The following HFM1 variants were observed in gnomAD, a reference collection of about 807,000 sequenced individuals.
The protein encoded by HFM1 is helicase for meiosis 1.
Under a neutral mutation model 192.1 loss-of-function variants are expected in HFM1, and 169 were observed. The observed-to-expected ratio is 0.88, with a 90% CI of 0.78 to 1.00. The LOEUF (loss-of-function observed/expected upper bound fraction) is 1.00. HFM1 is among the 50% of genes least tolerant of loss of function. The pLI is 0.00. For synonymous variants in HFM1, 525 were observed against 537.8 expected (o/e 0.98, Z 0.33); for missense variants, 1,661 against 1,668.0 (o/e 1.00, Z 0.07).
intron 32 of HFM1, among the ~76,000 whole-genome samples, chr1:91,275,235 G>A (rs963289328): frequency 5.9e-5 from 9 of 152,082 alleles, no homozygotes; most frequent in East Asian, 5.8e-4. Flanking sequence ...CACCCGCCTC[G>A]GCCTCCCAAA....
intron 11 of HFM1, among the ~76,000 whole-genome samples, chr1:91,376,692 A>AATG (rs1257550922): frequency 2.0e-5 from 3 of 151,926 alleles, no homozygotes; most frequent in Admixed American, 2.0e-4. Flanking sequence ...AGTAGAAATC[A>AATG]AAGAAGTAAA....
At chr1:91,388,832 G>A (rs192519) in intron 4 of HFM1, among the ~76,000 whole-genome samples, 132,138 of 152,176 alleles carry the variant, frequency 0.87, 57,430 homozygotes, top group Middle Eastern at 0.92. Context: ...CTTGCGCTGC[G>A]AAGAACACCA....
chr1:91,394,307 A>G lies in HFM1; in HGVS notation c.280T>C (p.Phe94Leu). 1.3e-6 allele frequency: 2 copies of G among 1,587,744 alleles called. No individual in the cohort carries two copies. Among genetic ancestry groups the G allele is most frequent in the Non-Finnish European group, 1.7e-6 (2 of 1,156,312 alleles). The change falls in exon 4 of 39, where the codon TTT becomes CTT. Residue 94 changes from phenylalanine to leucine, a missense_variant. Coordinates refer to ENST00000370425, the MANE Select transcript of HFM1 (RefSeq NM_001017975.6). ...TCCTGTTCATATTTATCAGAAGGAA[A>G]GGCAAACTGGAATTTTTGTGTTAGT... The part of the protein sequence containing the change: ...ISLTQKFQFA[F>L]PSDKYEQDDL...
chr1:91,378,907 G>T (rs1340929913), intron 9 of HFM1, among the ~76,000 whole-genome samples, 156 bp downstream of exon 9: 1 of 151,856 alleles, frequency 6.6e-6, no homozygotes, highest in Non-Finnish European at 1.5e-5. Flanking sequence ...TAGGTATTCT[G>T]TCTGTACCTT....
At chr1:91,397,211 T>C (rs995609372) in intron 2 of HFM1, among the ~76,000 whole-genome samples, 2 of 152,204 alleles carry the variant, frequency 1.3e-5, no homozygotes, top group African/African-American at 2.4e-5. Flanking sequence ...CCAAACCATC[T>C]ACAAACTACA....
At chr1:91,400,233 A>C (rs746776684) in intron 2 of HFM1, among the ~76,000 whole-genome samples, 5 of 152,324 alleles carry the variant, frequency 3.3e-5, no homozygotes, top group East Asian at 1.9e-4. Flanking sequence ...CCAGTATTTA[A>C]CATACTACCT....
At chr1:91,400,480 C>CTTTTTTTTTTTTTTTTTTTTTTTT (rs112090967) in intron 2 of HFM1, among the ~76,000 whole-genome samples, 3 of 139,062 alleles carry the variant, frequency 2.2e-5, no homozygotes, top group Non-Finnish European at 1.6e-5. Context: ...AGGCAAGAAT[C>CTTTTTTTTTTTTTTTTTTTTTTTT]TTTTTTTTTT....
chr1:91,404,604 T>A, intron 1 of HFM1, 194 bp downstream of exon 1: 1 of 264,568 alleles, frequency 3.8e-6, no homozygotes, highest in South Asian at 3.0e-5. Flanking sequence ...GAAATGCGGC[T>A]GAGGCGCTGG....
At chr1:91,316,256 A>C (rs931054781) in intron 26 of HFM1, 72 bp from the exon 27 acceptor site, 24 of 1,063,784 alleles carry the variant, frequency 2.3e-5, no homozygotes, top group Middle Eastern at 2.7e-4. Context: ...TTTTTAGAAT[A>C]AATAGCTTTA....
chr1:91,303,899 G>C (rs1570880506), intron 30 of HFM1, among the ~76,000 whole-genome samples: 1 of 152,172 alleles, frequency 6.6e-6, no homozygotes, highest in Non-Finnish European at 1.5e-5. Flanking sequence ...AGGTTGGAGT[G>C]CAGTGGCATG....
intron 23 of HFM1, among the ~76,000 whole-genome samples, chr1:91,322,005 T>C (rs1167262574): frequency 6.6e-6 from 1 of 152,194 alleles, no homozygotes; most frequent in Non-Finnish European, 1.5e-5. Flanking sequence ...TCATAACTTA[T>C]CTGGGCATCA....
intron 36 of HFM1, 70 bp from the exon 37 acceptor site, chr1:91,262,662 G>T: frequency 3.4e-6 from 3 of 894,538 alleles, no homozygotes; most frequent in Non-Finnish European, 5.3e-6. Flanking sequence ...GGATCATAAT[G>T]ATTTTTGGGG....
At chr1:91,385,366 A>C (rs566315141) in intron 5 of HFM1, 132 bp from the exon 6 acceptor site, 163 of 756,444 alleles carry the variant, frequency 2.2e-4, no homozygotes, top group Non-Finnish European at 3.5e-4. Flanking sequence ...CTTTTTATTG[A>C]GAGCAAAGTT....
chr1:91,381,137 A>G (rs1661508612), intron 6 of HFM1, among the ~76,000 whole-genome samples, 155 bp from the exon 7 acceptor site: 1 of 152,152 alleles, frequency 6.6e-6, no homozygotes. Context: ...ATTATCATAA[A>G]TTATTCTAGT....
At position 91,261,116 on chromosome 1, in the gene HFM1, T is replaced by C. The variant is rs1665118180; in HGVS notation, c.*174A>G. ...AAGAGCTTTTCAAGAAGTTACAATA[T>C]AATGGGAAAATAAATCGGCCCATAC... is the stretch of plus-strand genomic sequence containing the variant. On this transcript the variant is annotated 3_prime_UTR_variant, in exon 39 of 39. Transcript: ENST00000370425. The C allele has an allele frequency of 5.3e-6, 2 of 374,630 alleles. No individual in the cohort carries two copies. The highest frequency in any genetic ancestry group is 2.1e-5 in the African/African-American group (1 of 47,666). The allele number at this position is 374,630 out of a possible 1,614,324, so 23.2% of individuals were successfully genotyped here.
intron 11 of HFM1, 103 bp downstream of exon 11, chr1:91,377,922 T>C (rs1021458375): frequency 3.1e-5 from 31 of 1,007,954 alleles, no homozygotes; most frequent in Non-Finnish European, 4.6e-5. Flanking sequence ...TACTTTCCTA[T>C]TAAAGGAAAG....
intron 29 of HFM1, 52 bp from the exon 30 acceptor site, chr1:91,313,547 A>G (rs1650779945): frequency 8.1e-7 from 1 of 1,229,796 alleles, no homozygotes; most frequent in African/African-American, 1.5e-5. Context: ...ATAAATCCAC[A>G]TATGAGAACA....
intron 11 of HFM1, among the ~76,000 whole-genome samples, 184 bp from the exon 12 acceptor site, chr1:91,375,911 T>C (rs921190276): frequency 6.6e-6 from 1 of 151,950 alleles, no homozygotes; most frequent in East Asian, 1.9e-4. Context: ...ACACTACCAA[T>C]AGTAGTATTT....
chr1:91,334,852 C>T lies in HFM1; in HGVS notation c.2335+8578G>A, dbSNP rs1004621921. Among the ~76,000 whole-genome samples, 4 of 151,854 alleles carry T rather than the reference C, an allele frequency of 2.6e-5. No homozygotes were observed. The East Asian group carries it at 7.8e-4, about 30-fold the overall frequency. ...GCTGAGGCAGGAGAATCGCTTGAAC[C>T]CGGGAGGTGGAGGTTGCAGTGAGCC... On this transcript the variant is annotated intron_variant, in intron 20 of 38. Coordinates refer to ENST00000370425, the MANE Select transcript of HFM1 (RefSeq NM_001017975.6).
Sources: gnomAD v4.1 joint callset for allele counts (sites outside exome capture counted in the v4.1 genomes callset) on GRCh38, gnomAD v4.1.1 for gene constraint, MANE v1.5 for transcripts, NCBI Gene and HGNC (gene_info 2026-07-23, HGNC 2026-07-21) for gene names.